The following LRRC3B variants were observed in gnomAD, a reference collection of about 807,000 sequenced individuals.
The protein encoded by LRRC3B is leucine-rich repeat-containing protein 3B.
In LRRC3B, 2 loss-of-function variants were observed where a neutral mutation model predicts 12.8. That is an observed-to-expected ratio of 0.16 (90% CI 0.06 to 0.49). LRRC3B has a LOEUF of 0.49. LRRC3B is among the 20% of genes least tolerant of loss of function. LRRC3B has a pLI of 0.96. For synonymous variants in LRRC3B, 132 were observed against 122.0 expected, an observed-to-expected ratio of 1.08 and a Z score of -0.54; for missense variants, 189 against 319.4, an observed-to-expected ratio of 0.59 and a Z score of 3.11.
chr3:26,626,060 T>C (rs1292976099), intron 1 of LRRC3B, among the ~76,000 whole-genome samples: 2 of 152,196 alleles, frequency 1.3e-5, no homozygotes, highest in East Asian at 3.9e-4. Flanking sequence ...CCCCTCACCC[T>C]TTACTCCAAA....
intron 1 of LRRC3B, among the ~76,000 whole-genome samples, chr3:26,661,793 C>A (rs1178299779): frequency 1.3e-5 from 2 of 152,150 alleles, no homozygotes; most frequent in Non-Finnish European, 2.9e-5. Flanking sequence ...TTGGTTGATG[C>A]AGTTTCCATT....
chr3:26,652,941 C>G (rs1375363188), intron 1 of LRRC3B, among the ~76,000 whole-genome samples: 1 of 152,000 alleles, frequency 6.6e-6, no homozygotes, highest in African/African-American at 2.4e-5. Flanking sequence ...AATCTCATAT[C>G]TCTTACATGC....
At chr3:26,664,155 G>A (rs906694284) in intron 1 of LRRC3B, among the ~76,000 whole-genome samples, 1 of 151,972 alleles carries the variant, frequency 6.6e-6, no homozygotes, top group East Asian at 1.9e-4. Flanking sequence ...ACTATGCATG[G>A]TTCTTCTCTG....
At chr3:26,691,329 G>T (rs940837350) in intron 1 of LRRC3B, among the ~76,000 whole-genome samples, 2 of 151,782 alleles carry the variant, frequency 1.3e-5, no homozygotes, top group African/African-American at 2.4e-5. Context: ...AATTGGAGGG[G>T]TAGTTATTCC....
At chr3:26,655,901 T>C (rs1470250108) in intron 1 of LRRC3B, among the ~76,000 whole-genome samples, 1 of 152,164 alleles carries the variant, frequency 6.6e-6, no homozygotes, top group Non-Finnish European at 1.5e-5. Flanking sequence ...TATTATCACC[T>C]TTTTACAGAC....
chr3:26,637,141 C>T (rs370175475), intron 1 of LRRC3B, among the ~76,000 whole-genome samples: 104 of 151,518 alleles, frequency 6.9e-4, no homozygotes, highest in Non-Finnish European at 1.1e-3. Context: ...TGATTACAGG[C>T]GCCCACCACC....
intron 1 of LRRC3B, among the ~76,000 whole-genome samples, chr3:26,703,220 C>A (rs989865953): frequency 3.3e-5 from 5 of 152,068 alleles, no homozygotes; most frequent in African/African-American, 1.2e-4. Context: ...TTATGGATAA[C>A]CTGATCATAT....
chr3:26,697,617 C>T (rs762984381), intron 1 of LRRC3B, among the ~76,000 whole-genome samples: 6 of 152,046 alleles, frequency 3.9e-5, no homozygotes, highest in Admixed American at 6.6e-5. Flanking sequence ...CCTCTGATTC[C>T]GAAAGATTTA....
At chr3:26,649,410 A>G (rs181130182) in intron 1 of LRRC3B, among the ~76,000 whole-genome samples, 84 of 152,328 alleles carry the variant, frequency 5.5e-4, no homozygotes, top group East Asian at 7.7e-4. Flanking sequence ...GAGAATATTC[A>G]GCATGAAATA....
intron 1 of LRRC3B, among the ~76,000 whole-genome samples, chr3:26,707,223 G>T (rs995844953): frequency 6.6e-6 from 1 of 150,678 alleles, no homozygotes; most frequent in South Asian, 2.1e-4. Flanking sequence ...AAAATAGCTG[G>T]GCGTGGTGGT....
intron 1 of LRRC3B, among the ~76,000 whole-genome samples, chr3:26,706,548 T>C (rs1166725652): frequency 6.6e-6 from 1 of 152,086 alleles, no homozygotes; most frequent in African/African-American, 2.4e-5. Context: ...TTACATCCAG[T>C]TCACAAGCAT....
intron 1 of LRRC3B, among the ~76,000 whole-genome samples, chr3:26,650,002 T>C (rs1694415630): frequency 6.6e-6 from 1 of 152,220 alleles, no homozygotes. Context: ...AGAAGTTTCA[T>C]TGACCACCTG....
intron 1 of LRRC3B, among the ~76,000 whole-genome samples, chr3:26,653,391 T>G (rs935852296): frequency 2.0e-5 from 3 of 152,172 alleles, no homozygotes; most frequent in Non-Finnish European, 4.4e-5. Context: ...AAAAGCTGAT[T>G]TGAAATATTC....
chr3:26,655,027 CATTT>C (rs1304434246), intron 1 of LRRC3B, among the ~76,000 whole-genome samples: 6 of 152,068 alleles, frequency 3.9e-5, no homozygotes, highest in African/African-American at 9.7e-5. Flanking sequence ...TCTACGTCTT[CATTT>C]ATTTATCAAT....
At chr3:26,671,871 G>T (rs1386938143) in intron 1 of LRRC3B, among the ~76,000 whole-genome samples, 2 of 152,074 alleles carry the variant, frequency 1.3e-5, no homozygotes, top group African/African-American at 4.8e-5. Context: ...CAAACTTGAG[G>T]TTGCCATCCT....
intron 1 of LRRC3B, among the ~76,000 whole-genome samples, chr3:26,639,671 G>GA (rs1324288045): frequency 6.6e-6 from 1 of 152,150 alleles, no homozygotes; most frequent in Non-Finnish European, 1.5e-5. Flanking sequence ...ACTATACGAA[G>GA]AAACAATTGG....
chr3:26,636,910 CTTTCTCTCTTTCTTTCTT>C (rs1698898625), intron 1 of LRRC3B, among the ~76,000 whole-genome samples: 4 of 107,462 alleles, frequency 3.7e-5, no homozygotes, highest in African/African-American at 1.8e-4. Flanking sequence ...CTCTTTCTCT[CTTTCTCTCTTTCTTTCTT>C]TCTTTCTTTC....
intron 1 of LRRC3B, among the ~76,000 whole-genome samples, chr3:26,642,382 A>G (rs890598772): frequency 2.6e-5 from 4 of 152,162 alleles, no homozygotes; most frequent in African/African-American, 9.7e-5. Flanking sequence ...CAGACCTTGT[A>G]ATAGCTTAGG....
At chr3:26,635,006 A>G (rs1414979138) in intron 1 of LRRC3B, among the ~76,000 whole-genome samples, 1 of 152,230 alleles carries the variant, frequency 6.6e-6, no homozygotes, top group Admixed American at 6.5e-5. Flanking sequence ...AGAAGCTTCA[A>G]AGATACAGGC....
Sources: allele counts gnomAD v4.1 joint callset (sites outside exome capture counted in the v4.1 genomes callset), GRCh38; gene constraint gnomAD v4.1.1; transcripts MANE v1.5; gene names NCBI Gene and HGNC (gene_info 2026-07-23, HGNC 2026-07-21).